PRDM5: variants seen among roughly 807,000 people sequenced by gnomAD.
The protein encoded by PRDM5 is PR domain zinc finger protein 5.
PRDM5 carries 56 observed loss-of-function variants against 81.2 expected under a neutral mutation model. That is an observed-to-expected ratio of 0.69 (90% CI 0.56 to 0.86). The LOEUF is 0.86. Ranked by LOEUF, PRDM5 falls within the 40% of genes least tolerant of loss-of-function variation. PRDM5 has a pLI of 0.00. For synonymous variants in PRDM5, 267 were observed against 256.4 expected (o/e 1.04, Z -0.39); for missense variants, 697 against 770.1 (o/e 0.91, Z 1.12).
rs556534886 is a variant in PRDM5, at chr4:120,696,839, C to T, written c.1729-1564G>A. Among the ~76,000 whole-genome samples, 70 of 152,234 alleles carry T rather than the reference C, an allele frequency of 4.6e-4. 1 individual carries two copies. Among genetic ancestry groups the T allele is most frequent in the South Asian group, 8.3e-4 (4 of 4,828 alleles). On this transcript the variant is annotated intron_variant, in intron 15 of 15. Transcript: ENST00000264808. ...AAGAGTGGCAGTCCCCTGGAATATA[C>T]AAGTGACTTTGCAAACAAATAATTT...
intron 2 of PRDM5, among the ~76,000 whole-genome samples, chr4:120,891,389 C>T (rs1764027087): frequency 1.3e-5 from 2 of 152,000 alleles, no homozygotes; most frequent in African/African-American, 4.8e-5. Context: ...TCTCCTTTGT[C>T]ATTTCTGATT....
At chr4:120,817,025 T>C in intron 5 of PRDM5, 101 bp from the exon 6 acceptor site, 1 of 1,015,908 alleles carries the variant, frequency 9.8e-7, no homozygotes. Context: ...ATGTTCGTGA[T>C]CCCTTTTTTC....
At chr4:120,709,692 A>G (rs555154414) in intron 15 of PRDM5, among the ~76,000 whole-genome samples, 2 of 130,548 alleles carry the variant, frequency 1.5e-5, no homozygotes, top group South Asian at 5.6e-4. Flanking sequence ...CCAATCCCGC[A>G]CAAAAGAACA....
chr4:120,835,125 A>G (rs1757186620), intron 3 of PRDM5, among the ~76,000 whole-genome samples: 1 of 152,236 alleles, frequency 6.6e-6, no homozygotes, highest in Admixed American at 6.5e-5. Context: ...ACATAAGGTG[A>G]AGCAATTAGG....
intron 2 of PRDM5, among the ~76,000 whole-genome samples, chr4:120,890,154 G>A (rs1001162121): frequency 1.3e-5 from 2 of 152,184 alleles, no homozygotes; most frequent in Non-Finnish European, 2.9e-5. Context: ...CAGAAAGCAT[G>A]GTGCTGGCAT....
intron 10 of PRDM5, among the ~76,000 whole-genome samples, chr4:120,787,892 T>C (rs921493041): frequency 1.3e-5 from 2 of 152,196 alleles, no homozygotes; most frequent in Non-Finnish European, 2.9e-5. Flanking sequence ...TTACATATGG[T>C]ATCAATATTT....
chr4:120,816,511 A>G lies in PRDM5; in HGVS notation c.807T>C (p.Cys269=). The change falls in exon 7 of 16, where the codon TGT becomes TGC. Residue 269 remains cysteine (C), a synonymous_variant. Coordinates refer to ENST00000264808, the MANE Select transcript of PRDM5 (RefSeq NM_018699.4). The part of the protein sequence containing the change: ...DARFVCKADS[C]GKRLKSKDAL... ...CATCCTTGCTCTTCAGCCTCTTTCCACAGCTGTCAGCCTTGCACACAAACC... is the reference window on the plus strand; with the variant it reads ...CATCCTTGCTCTTCAGCCTCTTTCCGCAGCTGTCAGCCTTGCACACAAACC... 6.2e-7 allele frequency: 1 copy of G among 1,614,122 alleles called. No individual in the cohort carries two copies. The highest frequency in any genetic ancestry group is 1.1e-5 in the South Asian group (1 of 91,072).
At chr4:120,719,217 C>T (rs1099237) in intron 14 of PRDM5, among the ~76,000 whole-genome samples, 1 of 151,994 alleles carries the variant, frequency 6.6e-6, no homozygotes, top group Non-Finnish European at 1.5e-5. Flanking sequence ...CCCAAAATAT[C>T]TCCCGACATT....
chr4:120,821,729 A>G (rs1448188188), intron 3 of PRDM5, among the ~76,000 whole-genome samples: 2 of 149,828 alleles, frequency 1.3e-5, no homozygotes, highest in Non-Finnish European at 3.0e-5. Context: ...TATTATTAAC[A>G]CTAACACAAA....
At chr4:120,769,520 A>C (rs1578661797) in intron 13 of PRDM5, among the ~76,000 whole-genome samples, 1 of 152,330 alleles carries the variant, frequency 6.6e-6, no homozygotes, top group East Asian at 1.9e-4. Flanking sequence ...TCATGAGAAA[A>C]GTCTAGGGCA....
At chr4:120,858,861 G>GAAGA (rs1760216670) in intron 2 of PRDM5, among the ~76,000 whole-genome samples, 1 of 152,130 alleles carries the variant, frequency 6.6e-6, no homozygotes, top group African/African-American at 2.4e-5. Context: ...ATTTCAAGTG[G>GAAGA]AAGAAAATCA....
At chr4:120,888,913 T>C (rs765572426) in intron 2 of PRDM5, among the ~76,000 whole-genome samples, 11 of 152,334 alleles carry the variant, frequency 7.2e-5, no homozygotes, top group Non-Finnish European at 1.5e-4. Flanking sequence ...TGTTCAAGTA[T>C]TTTGCCCATT....
intron 9 of PRDM5, 125 bp downstream of exon 9, chr4:120,799,536 T>C: frequency 7.1e-7 from 1 of 1,415,954 alleles, no homozygotes; most frequent in Non-Finnish European, 9.4e-7. Flanking sequence ...ATCACATGAC[T>C]ACTAAAGGTC....
chr4:120,764,224 T>C (rs1561140062), intron 13 of PRDM5, among the ~76,000 whole-genome samples: 2 of 151,806 alleles, frequency 1.3e-5, no homozygotes, highest in Admixed American at 6.6e-5. Flanking sequence ...CTCCAGTATA[T>C]AAAAAAAAGA....
chr4:120,886,493 A>C (rs1763448682), intron 2 of PRDM5, among the ~76,000 whole-genome samples: 1 of 152,220 alleles, frequency 6.6e-6, no homozygotes, highest in Non-Finnish European at 1.5e-5. Context: ...ACTATATTTC[A>C]GTCAAATCAA....
intron 10 of PRDM5, among the ~76,000 whole-genome samples, chr4:120,789,014 TC>T (rs1381680779): frequency 6.6e-6 from 1 of 152,208 alleles, no homozygotes; most frequent in African/African-American, 2.4e-5. Context: ...TGTCCTTCAA[TC>T]TTTCACCTCT....
At position 120,825,590 on chromosome 4, in the gene PRDM5, AG is replaced by A. The variant is rs1201259314; in HGVS notation, c.301-4246del. Among the ~76,000 whole-genome samples, 4 of 152,320 alleles carry A rather than the reference AG, an allele frequency of 2.6e-5. No homozygotes were observed. In the East Asian group the frequency reaches 5.8e-4, roughly 22 times the overall value. ...CACTGCCTCCACTACTCACTGCTAC[AG>A]TCCTCATCGAGTCACCACTATCTAT... On this transcript the variant is annotated intron_variant, in intron 3 of 15. Coordinates refer to ENST00000264808, the MANE Select transcript of PRDM5 (RefSeq NM_018699.4).
rs140490262 is a variant in PRDM5, at chr4:120,756,622, G to T, written c.1538-1984C>A. 7.8e-3 allele frequency among the ~76,000 whole-genome samples: 1,192 copies of T among 152,258 alleles called. 18 individuals are homozygous for T. The highest frequency in any genetic ancestry group is 7.7e-3 in the Non-Finnish European group (524 of 68,012). On this transcript the variant is annotated intron_variant, in intron 13 of 15. Transcript: ENST00000264808. ...AATCATTTAACCTTGAACCACAAAG[G>T]AAAAGGACAGGAAGAAAACATAGCA...
intron 10 of PRDM5, among the ~76,000 whole-genome samples, chr4:120,790,921 T>A (rs987452646): frequency 6.6e-6 from 1 of 151,966 alleles, no homozygotes; most frequent in African/African-American, 2.4e-5. Flanking sequence ...CCAGCCTGGG[T>A]GATAGAGCAA....
Sources: allele counts gnomAD v4.1 joint callset (sites outside exome capture counted in the v4.1 genomes callset), GRCh38; gene constraint gnomAD v4.1.1; transcripts MANE v1.5; gene names NCBI Gene and HGNC (gene_info 2026-07-23, HGNC 2026-07-21).